FBLN5: variants seen among roughly 807,000 people sequenced by gnomAD.
The protein encoded by FBLN5 is fibulin 5.
FBLN5 carries 24 observed loss-of-function variants against 61.6 expected under a neutral mutation model. That is an observed-to-expected ratio of 0.39 (90% CI 0.28 to 0.55). The LOEUF is 0.55. Among genes scored for constraint, FBLN5 ranks in the 20% least tolerant of loss-of-function variants. The pLI is 0.65. For synonymous variants in FBLN5, 213 were observed against 219.8 expected, an observed-to-expected ratio of 0.97 and a Z score of 0.27; for missense variants, 470 against 594.1, an observed-to-expected ratio of 0.79 and a Z score of 2.17.
At chr14:91,927,444 G>T (rs2055848408) in intron 4 of FBLN5, among the ~76,000 whole-genome samples, 1 of 152,232 alleles carries the variant, frequency 6.6e-6, no homozygotes, top group Non-Finnish European at 1.5e-5. Context: ...ACCTATGTGA[G>T]TCATTCTGTT....
intron 4 of FBLN5, 123 bp from the exon 5 acceptor site, chr14:91,895,195 A>G (rs1436455275): frequency 1.7e-6 from 2 of 1,165,876 alleles, no homozygotes; most frequent in Non-Finnish European, 2.5e-6. Context: ...GTTACACCCA[A>G]GGAGGTGGCA....
rs569683263 is a variant in FBLN5 at position 91,942,916 on chromosome 14, C to T, written c.63G>A (p.Gly21=). ...AAAATAAAAATCTTACCTGTGCATT[C>T]CCAGGGCTTGGAAGACAGAGAGCCA... ...TILALCLPSP[G]NAQAQCTNGF... is the part of the protein sequence containing the mutation. The change falls in exon 2 of 11, where the codon GGG becomes GGA. Residue 21 remains glycine (G), a synonymous_variant. Transcript: ENST00000342058. 3.2e-6 allele frequency: 5 copies of T among 1,545,798 alleles called. No individual in the cohort carries two copies. The highest frequency in any genetic ancestry group is 2.7e-5 in the African/African-American group (2 of 73,068).
At chr14:91,903,442 AAG>A (rs1389237131) in intron 4 of FBLN5, among the ~76,000 whole-genome samples, 1 of 152,216 alleles carries the variant, frequency 6.6e-6, no homozygotes, top group African/African-American at 2.4e-5. Context: ...AGTGAGGAGA[AAG>A]GACAACATAC....
chr14:91,907,312 A>C (rs1465890825), intron 4 of FBLN5, among the ~76,000 whole-genome samples: 2 of 152,184 alleles, frequency 1.3e-5, no homozygotes, highest in Non-Finnish European at 2.9e-5. Context: ...ACCAGAGCTG[A>C]AAACTACACA....
intron 4 of FBLN5, among the ~76,000 whole-genome samples, chr14:91,916,379 G>A (rs1312109043): frequency 1.1e-4 from 17 of 152,198 alleles, no homozygotes; most frequent in Admixed American, 3.3e-4. Context: ...CGTGGGAGGC[G>A]GAGGTTGCCG....
At chr14:91,933,394 C>T (rs1249651552) in intron 4 of FBLN5, among the ~76,000 whole-genome samples, 2 of 152,130 alleles carry the variant, frequency 1.3e-5, no homozygotes, top group African/African-American at 4.8e-5. Context: ...CCTGCCTCAG[C>T]CTCCCGAGTA....
intron 4 of FBLN5, among the ~76,000 whole-genome samples, chr14:91,908,103 C>A (rs1017799394): frequency 1.3e-5 from 2 of 152,188 alleles, no homozygotes; most frequent in African/African-American, 4.8e-5. Context: ...TCAGTGTTAG[C>A]AGTAGTGGAG....
intron 4 of FBLN5, among the ~76,000 whole-genome samples, chr14:91,926,354 A>C (rs555646707): frequency 6.6e-6 from 1 of 152,108 alleles, no homozygotes; most frequent in Non-Finnish European, 1.5e-5. Context: ...TCAGCCCAGT[A>C]CCACCAGCAC....
At chr14:91,918,847 T>G (rs2055674724) in intron 4 of FBLN5, among the ~76,000 whole-genome samples, 1 of 152,114 alleles carries the variant, frequency 6.6e-6, no homozygotes, top group African/African-American at 2.4e-5. Context: ...ACACGAAGCT[T>G]TAATGAGTAA....
intron 4 of FBLN5, among the ~76,000 whole-genome samples, chr14:91,913,455 T>C (rs1891045805): frequency 6.6e-6 from 1 of 152,230 alleles, no homozygotes; most frequent in South Asian, 2.1e-4. Context: ...TGTGATGGTC[T>C]CACACTGCCA....
intron 4 of FBLN5, among the ~76,000 whole-genome samples, chr14:91,897,341 A>G (rs1890268133): frequency 6.6e-6 from 1 of 152,176 alleles, no homozygotes; most frequent in Admixed American, 6.5e-5. Flanking sequence ...TCAAATCCAC[A>G]GTGAAGTCTA....
chr14:91,890,125 A>G lies in FBLN5; in HGVS notation c.619+1096T>C, dbSNP rs1889922490. 2.0e-5 allele frequency among the ~76,000 whole-genome samples: 3 copies of G among 152,130 alleles called. No individual in the cohort carries two copies. In the South Asian group the frequency reaches 6.2e-4, roughly 32 times the overall value. ...TGGTGTCTACTCTCAGAAGAAAATGACCTCTTTTGGCGTGAGGAACACAGT... is the reference window on the plus strand; with the variant it reads ...TGGTGTCTACTCTCAGAAGAAAATGGCCTCTTTTGGCGTGAGGAACACAGT... On this transcript the variant is annotated intron_variant, in intron 6 of 10. Transcript: ENST00000342058.
At chr14:91,902,381 A>C (rs994943077) in intron 4 of FBLN5, among the ~76,000 whole-genome samples, 2 of 151,412 alleles carry the variant, frequency 1.3e-5, no homozygotes, top group African/African-American at 2.4e-5. Flanking sequence ...CATTTACTAA[A>C]ATTTTTGCCA....
chr14:91,906,033 T>G (rs1286959795), intron 4 of FBLN5, among the ~76,000 whole-genome samples: 3 of 152,142 alleles, frequency 2.0e-5, no homozygotes, highest in Non-Finnish European at 1.5e-5. Context: ...ATTACAGGCA[T>G]GTGCCACCAC....
rs747588815 is a variant in FBLN5, at chr14:91,936,934, C to T, written c.379+13G>A. 1 of 1,614,116 alleles carries T rather than the reference C, an allele frequency of 6.2e-7. No homozygotes were observed. The highest frequency in any genetic ancestry group is 1.3e-5 in the African/African-American group (1 of 75,030). ...AAGCACAGCGGAGAGGAACAAAAGG[C>T]CGGGCTACTCACCCACACATTGGTT... On this transcript the variant is annotated intron_variant, in intron 4 of 10. Coordinates refer to ENST00000342058, the MANE Select transcript of FBLN5 (RefSeq NM_006329.4).
Position 91,870,209 on chromosome 14 carries a change from G to C in FBLN5, c.*15C>G. 6.2e-7 allele frequency: 1 copy of C among 1,613,152 alleles called. No individual in the cohort carries two copies. ...GTGCCAATGAGAGGCAGCGTCGGAG[G>C]CTCCAGCCCGAGGCTCAGAATGGGT... On this transcript the variant is annotated 3_prime_UTR_variant, in exon 11 of 11. Coordinates refer to ENST00000342058, the MANE Select transcript of FBLN5 (RefSeq NM_006329.4).
intron 4 of FBLN5, among the ~76,000 whole-genome samples, chr14:91,933,245 G>T (rs1262854389): frequency 6.6e-6 from 1 of 152,028 alleles, no homozygotes; most frequent in East Asian, 1.9e-4. Context: ...GTTTGATAAT[G>T]GTATTGTGCT....
chr14:91,917,829 G>A (rs1379874773), intron 4 of FBLN5, among the ~76,000 whole-genome samples: 1 of 152,158 alleles, frequency 6.6e-6, no homozygotes, highest in African/African-American at 2.4e-5. Flanking sequence ...ACTTTAAAAG[G>A]TAAATGAGAA....
chr14:91,920,787 CGAA>C (rs2055720413), intron 4 of FBLN5, among the ~76,000 whole-genome samples: 1 of 152,172 alleles, frequency 6.6e-6, no homozygotes. Flanking sequence ...AATGGTAGCA[CGAA>C]GTATGGACCA....
Sources: gnomAD v4.1 joint callset for allele counts (sites outside exome capture counted in the v4.1 genomes callset) on GRCh38, gnomAD v4.1.1 for gene constraint, MANE v1.5 for transcripts, NCBI Gene and HGNC (gene_info 2026-07-23, HGNC 2026-07-21) for gene names.